The following OR5D3 variants were observed in gnomAD, a reference collection of about 807,000 sequenced individuals.
The protein encoded by OR5D3 is olfactory receptor 5D3.
chr11:55,727,347 G>C, the OR5D3 span: 4 of 364,450 alleles, frequency 1.1e-5, no homozygotes, highest in South Asian at 5.9e-4. Flanking sequence ...CTAAATTTTT[G>C]ATCGAGAATA....
the OR5D3 span, chr11:55,723,992 A>G: frequency 7.5e-6 from 3 of 397,928 alleles, no homozygotes; most frequent in East Asian, 7.1e-5. Flanking sequence ...GCATTATTGG[A>G]GTTCGTTAAT....
chr11:55,726,243 C>T, the OR5D3 span: 6 of 401,614 alleles, frequency 1.5e-5, no homozygotes, highest in East Asian at 2.1e-4. Flanking sequence ...CTGCTGGAGT[C>T]ACCTTCATCC....
chr11:55,727,131 T>C, the OR5D3 span: 1 of 399,120 alleles, frequency 2.5e-6, no homozygotes. Flanking sequence ...AGTTAGTCAT[T>C]ACCAAATTAT....
At chr11:55,726,538 G>T in the OR5D3 span, 1 of 417,438 alleles carries the variant, frequency 2.4e-6, no homozygotes, top group Non-Finnish European at 4.3e-6. Context: ...TATATTTGTG[G>T]TGACAGAAAC....
the OR5D3 span, chr11:55,727,603 GACAA>G: frequency 6.6e-6 from 1 of 151,980 alleles, no homozygotes; most frequent in African/African-American, 2.4e-5. Context: ...AAGATTTACA[GACAA>G]ACAAAAATAA....
chr11:55,724,338 C>A, the OR5D3 span, among the ~76,000 whole-genome samples: 1 of 151,976 alleles, frequency 6.6e-6, no homozygotes, highest in African/African-American at 2.4e-5. Context: ...TTTAAACTTT[C>A]TATACTTTCT....
chr11:55,725,329 G>C, the OR5D3 span, among the ~76,000 whole-genome samples: 15,505 of 151,992 alleles, frequency 0.1, 963 homozygotes, highest in African/African-American at 0.16. Context: ...ATGGTGTCCT[G>C]TTTGAGATGG....
chr11:55,726,151 C>G, the OR5D3 span: 1 of 397,930 alleles, frequency 2.5e-6, no homozygotes, highest in East Asian at 3.6e-5. Context: ...TTCTTCCTTT[C>G]TGTTTCTTAT....
the OR5D3 span, chr11:55,723,927 G>T: frequency 2.5e-6 from 1 of 395,160 alleles, no homozygotes; most frequent in South Asian, 1.3e-4. Flanking sequence ...ATATACTCTC[G>T]ACACTCCTAC....
chr11:55,725,524 T>C, the OR5D3 span, among the ~76,000 whole-genome samples: 1 of 152,092 alleles, frequency 6.6e-6, no homozygotes, highest in East Asian at 1.9e-4. Flanking sequence ...TAAAATTACT[T>C]CAACTATTTT....
the OR5D3 span, chr11:55,729,167 T>TGTTC: frequency 6.6e-6 from 1 of 152,016 alleles, no homozygotes; most frequent in Admixed American, 6.6e-5. Flanking sequence ...TTTACACAAA[T>TGTTC]ATAATGCAAT....
chr11:55,728,610 A>C, the OR5D3 span: 1 of 152,108 alleles, frequency 6.6e-6, no homozygotes. Context: ...TATGAAGTCA[A>C]CCATGTGTTG....
chr11:55,725,254 AT>A, the OR5D3 span, among the ~76,000 whole-genome samples: 56 of 152,052 alleles, frequency 3.7e-4, no homozygotes, highest in African/African-American at 1.4e-3. Context: ...TATATCATGA[AT>A]ATATTATCAC....
At chr11:55,727,116 C>A in the OR5D3 span, 1 of 400,236 alleles carries the variant, frequency 2.5e-6, no homozygotes, top group Non-Finnish European at 4.4e-6. Context: ...AAGAGACAGT[C>A]AGGAAGTTAG....
At chr11:55,723,969 G>T in the OR5D3 span, 1 of 397,728 alleles carries the variant, frequency 2.5e-6, no homozygotes, top group Non-Finnish European at 4.4e-6. Context: ...TATTAATTAA[G>T]TGCTAAGCGG....
At chr11:55,729,366 T>C in the OR5D3 span, 2 of 152,024 alleles carry the variant, frequency 1.3e-5, no homozygotes, top group Non-Finnish European at 2.9e-5. Context: ...ACAGTAGGTA[T>C]AAATGTGACT....
At chr11:55,725,470 G>A in the OR5D3 span, among the ~76,000 whole-genome samples, 2 of 151,958 alleles carry the variant, frequency 1.3e-5, no homozygotes, top group African/African-American at 4.8e-5. Flanking sequence ...TCACCTACCT[G>A]TCTTCTGAGA....
the OR5D3 span, among the ~76,000 whole-genome samples, chr11:55,724,390 G>C: frequency 2.0e-5 from 3 of 152,062 alleles, no homozygotes; most frequent in Admixed American, 6.5e-5. Context: ...GTAAATGATA[G>C]GATATGGTTT....
At chr11:55,727,749 A>G in the OR5D3 span, 1 of 151,996 alleles carries the variant, frequency 6.6e-6, no homozygotes, top group Non-Finnish European at 1.5e-5. Flanking sequence ...AATGCCCATC[A>G]CCCTAGTTCT....
Sources: gnomAD v4.1 joint callset for allele counts (sites outside exome capture counted in the v4.1 genomes callset) on GRCh38, gnomAD v4.1.1 for gene constraint, MANE v1.5 for transcripts, NCBI Gene and HGNC (gene_info 2026-07-23, HGNC 2026-07-21) for gene names.